Variants in CELF4 observed in about 807,000 individuals in gnomAD.
CELF4 encodes the protein CUG-BP- and ETR-3-like factor 4.
A neutral mutation model predicts 59.9 loss-of-function variants in CELF4; 18 were observed. The ratio of observed to expected loss-of-function variants is 0.30; its 90% CI spans 0.21 to 0.45. The LOEUF is 0.45. Among genes scored for constraint, CELF4 ranks in the 20% least tolerant of loss-of-function variants. The pLI is 1.00. For missense variants in CELF4, 456 were observed against 689.0 expected (o/e 0.66, Z 3.79); for synonymous variants, 261 against 267.1 (o/e 0.98, Z 0.22).
chr18:37,548,866 G>C (rs2099982266), intron 1 of CELF4, among the ~76,000 whole-genome samples: 1 of 152,202 alleles, frequency 6.6e-6, no homozygotes, highest in African/African-American at 2.4e-5. Context: ...AGCTACCTCT[G>C]CAGCAGGCAG....
At chr18:37,258,901 G>A (rs993020145) in intron 11 of CELF4, 11 of 536,970 alleles carry the variant, frequency 2.0e-5, no homozygotes, top group African/African-American at 9.5e-5. Context: ...TTCTTGGACC[G>A]GGAGTGGGAG....
At chr18:37,327,854 C>A (rs768861733) in intron 2 of CELF4, among the ~76,000 whole-genome samples, 2 of 152,204 alleles carry the variant, frequency 1.3e-5, no homozygotes, top group Admixed American at 1.3e-4. Flanking sequence ...ATGGAGTTGA[C>A]TTTCTCCCCA....
intron 1 of CELF4, among the ~76,000 whole-genome samples, chr18:37,496,574 C>T (rs1180392606): frequency 6.6e-6 from 1 of 152,148 alleles, no homozygotes; most frequent in Non-Finnish European, 1.5e-5. Flanking sequence ...AAATTCCAAC[C>T]TCAGCATCCA....
At chr18:37,467,677 A>C (rs1276222130) in intron 2 of CELF4, among the ~76,000 whole-genome samples, 1 of 152,182 alleles carries the variant, frequency 6.6e-6, no homozygotes. Flanking sequence ...CCCAAGTCAC[A>C]CAGCTGCCAG....
At chr18:37,485,418 G>T (rs1454148825) in intron 2 of CELF4, 107 bp downstream of exon 2, 28 of 428,242 alleles carry the variant, frequency 6.5e-5, no homozygotes, top group African/African-American at 5.6e-4. Context: ...AGGCGGGGCG[G>T]CGGGCGCCCT....
At chr18:37,454,740 C>T (rs752447226) in intron 2 of CELF4, among the ~76,000 whole-genome samples, 5 of 152,128 alleles carry the variant, frequency 3.3e-5, no homozygotes, top group African/African-American at 4.8e-5. Flanking sequence ...TCTCCACTGG[C>T]GGTTGTTAAC....
chr18:37,358,447 G>A (rs534621106), intron 2 of CELF4, among the ~76,000 whole-genome samples: 10 of 152,186 alleles, frequency 6.6e-5, no homozygotes, highest in Non-Finnish European at 1.5e-4. Context: ...AAATTGCCCA[G>A]GCTCAGATGT....
intron 2 of CELF4, among the ~76,000 whole-genome samples, chr18:37,408,224 T>TATTAGTAAG (rs2099403487): frequency 6.6e-6 from 1 of 152,148 alleles, no homozygotes; most frequent in Admixed American, 6.5e-5. Context: ...CCTTTGTTCT[T>TATTAGTAAG]ATTAGTAAGC....
chr18:37,561,506 T>C lies in CELF4; in HGVS notation c.286+3850A>G, dbSNP rs1244272494. Among the ~76,000 whole-genome samples the C allele has an allele frequency of 2.0e-5, 3 of 152,178 alleles. No individual in the cohort carries two copies. The East Asian group carries it at 5.8e-4, about 29-fold the overall frequency. On this transcript the variant is annotated intron_variant, in intron 1 of 12. Transcript: ENST00000420428. ...GCTATCCAGAGAGCACTAGTCTTTA[T>C]ATCTCCCAGTAACTCAGTCTTTGCT...
At chr18:37,264,575 C>A in intron 10 of CELF4, 99 bp downstream of exon 10, 6 of 992,928 alleles carry the variant, frequency 6.0e-6, no homozygotes, top group South Asian at 1.4e-5. Flanking sequence ...CAAACGTGGT[C>A]ACCTTTCCAA....
intron 3 of CELF4, among the ~76,000 whole-genome samples, chr18:37,301,881 G>A (rs2096066492): frequency 6.6e-6 from 1 of 152,170 alleles, no homozygotes; most frequent in Non-Finnish European, 1.5e-5. Context: ...CACGGAGCAG[G>A]TAGGTCTCTG....
At chr18:37,400,325 T>C (rs986231745) in intron 2 of CELF4, among the ~76,000 whole-genome samples, 9 of 90,962 alleles carry the variant, frequency 9.9e-5, no homozygotes, top group African/African-American at 3.5e-4. Context: ...TGTATATATG[T>C]ATATGTGTGT....
In CELF4 at chr18:37,270,935, G is replaced by A; in HGVS notation, c.950-18C>T. ...GCTGCCACCTGGTTCCAGGCATACA[G>A]AAGGGTGGAGGAGGAGGGGAGGCAA... On this transcript the variant is annotated intron_variant, in intron 7 of 12. Coordinates refer to ENST00000420428, the MANE Select transcript of CELF4 (RefSeq NM_020180.4). 7 of 1,587,888 alleles carry A rather than the reference G, an allele frequency of 4.4e-6. No individual in the cohort carries two copies. Among genetic ancestry groups the A allele is most frequent in the Non-Finnish European group, 6.0e-6 (7 of 1,166,118 alleles).
At chr18:37,493,484 G>A (rs952078129) in intron 1 of CELF4, among the ~76,000 whole-genome samples, 2 of 152,224 alleles carry the variant, frequency 1.3e-5, no homozygotes, top group South Asian at 2.1e-4. Flanking sequence ...AGATTGCTGA[G>A]CTCCATTCTG....
intron 2 of CELF4, among the ~76,000 whole-genome samples, chr18:37,358,760 G>A (rs1014306783): frequency 2.6e-5 from 4 of 152,232 alleles, no homozygotes; most frequent in African/African-American, 2.4e-5. Flanking sequence ...GGCACACAGT[G>A]TGCCGAACTT....
chr18:37,383,977 C>T (rs1002968699), intron 2 of CELF4, among the ~76,000 whole-genome samples: 10 of 152,190 alleles, frequency 6.6e-5, no homozygotes, highest in Non-Finnish European at 1.2e-4. Context: ...GAGGCTGGTT[C>T]TTCCTCCTCC....
At chr18:37,320,188 T>C in intron 3 of CELF4, among the ~76,000 whole-genome samples, 1 of 151,966 alleles carries the variant, frequency 6.6e-6, no homozygotes, top group East Asian at 1.9e-4. Context: ...ATACAAAAAT[T>C]AGCTGGGTGT....
At chr18:37,527,141 G>A (rs2099964813) in intron 1 of CELF4, among the ~76,000 whole-genome samples, 1 of 152,016 alleles carries the variant, frequency 6.6e-6, no homozygotes, top group African/African-American at 2.4e-5. Flanking sequence ...TAAATCGCCT[G>A]CAAATGAGCA....
chr18:37,391,122 C>T (rs484156), intron 2 of CELF4, among the ~76,000 whole-genome samples: 74,177 of 151,690 alleles, frequency 0.49, 18,839 homozygotes, highest in East Asian at 0.68. Context: ...GGGATGGACC[C>T]CCTGGGGAGG....
Sources: gnomAD v4.1 joint callset for allele counts (sites outside exome capture counted in the v4.1 genomes callset) on GRCh38, gnomAD v4.1.1 for gene constraint, MANE v1.5 for transcripts, NCBI Gene and HGNC (gene_info 2026-07-23, HGNC 2026-07-21) for gene names.